CDK13: variants seen among roughly 807,000 people sequenced by gnomAD.
CDK13 encodes the protein cyclin-dependent kinase 13.
A neutral mutation model predicts 137.6 loss-of-function variants in CDK13; 40 were observed. That is an observed-to-expected ratio of 0.29 (90% CI 0.23 to 0.38). The LOEUF is 0.38. Among genes scored for constraint, CDK13 ranks in the 10% least tolerant of loss-of-function variants. The pLI is 1.00. For missense variants in CDK13, 1,704 were observed against 1,951.8 expected, an observed-to-expected ratio of 0.87 and a Z score of 2.39; for synonymous variants, 869 against 760.1, an observed-to-expected ratio of 1.14 and a Z score of -2.36.
At chr7:39,997,689 C>T (rs774275061) in intron 3 of CDK13, 25 bp downstream of exon 3, 6 of 1,576,024 alleles carry the variant, frequency 3.8e-6, no homozygotes, top group Non-Finnish European at 1.7e-6. Flanking sequence ...TCTACCTGCT[C>T]TTAAATTGAC....
chr7:40,084,174 G>A (rs894302766), intron 11 of CDK13, among the ~76,000 whole-genome samples: 11 of 151,754 alleles, frequency 7.2e-5, no homozygotes, highest in East Asian at 3.9e-4. Context: ...GTGAAACCCC[G>A]TCTCTAGTAA....
chr7:40,001,768 A>G (rs1455211704), intron 4 of CDK13, 93 bp from the exon 5 acceptor site: 12 of 822,820 alleles, frequency 1.5e-5, no homozygotes, highest in Middle Eastern at 3.6e-4. Flanking sequence ...TTGAGAAATA[A>G]GAACAGAATT....
chr7:40,038,785 T>A (rs1312877618), intron 5 of CDK13, among the ~76,000 whole-genome samples: 1 of 152,070 alleles, frequency 6.6e-6, no homozygotes, highest in East Asian at 1.9e-4. Context: ...AGCCTCTGCC[T>A]CCTGGGTTCA....
intron 4 of CDK13, 97 bp downstream of exon 4, chr7:39,999,597 T>C: frequency 8.3e-7 from 1 of 1,197,978 alleles, no homozygotes; most frequent in East Asian, 2.4e-5. Flanking sequence ...TCCAAAAAAT[T>C]AAATTCAATT....
intron 11 of CDK13, among the ~76,000 whole-genome samples, chr7:40,087,243 A>G (rs1786807960): frequency 6.6e-6 from 1 of 152,124 alleles, no homozygotes; most frequent in Non-Finnish European, 1.5e-5. Context: ...ACCTGGGCTC[A>G]AGCTATTCTC....
chr7:40,084,000 G>C (rs1786730883), intron 11 of CDK13, among the ~76,000 whole-genome samples: 1 of 152,124 alleles, frequency 6.6e-6, no homozygotes, highest in Admixed American at 6.6e-5. Context: ...AAACTCTTTT[G>C]ATCAATTTTT....
chr7:40,003,090 G>T (rs1027606367), intron 5 of CDK13, among the ~76,000 whole-genome samples: 1 of 147,348 alleles, frequency 6.8e-6, no homozygotes, highest in Non-Finnish European at 1.5e-5. Context: ...AAAACGAAAA[G>T]AAAAAGATTA....
chr7:40,037,884 C>A (rs1031652109), intron 5 of CDK13, among the ~76,000 whole-genome samples: 2 of 152,076 alleles, frequency 1.3e-5, no homozygotes, highest in African/African-American at 2.4e-5. Flanking sequence ...TTAAAATATA[C>A]CCCCCAGCTG....
chr7:40,078,875 T>C, intron 11 of CDK13, 24 bp downstream of exon 11: 1 of 878,980 alleles, frequency 1.1e-6, no homozygotes, highest in South Asian at 3.7e-5. Context: ...TATCCTATTA[T>C]TATTATATAT....
intron 5 of CDK13, among the ~76,000 whole-genome samples, chr7:40,019,309 AATTTTC>A (rs1562731904): frequency 3.3e-5 from 5 of 152,334 alleles, no homozygotes; most frequent in Admixed American, 2.6e-4. Flanking sequence ...TGTAAAAGAA[AATTTTC>A]TGTTAAAATG....
Position 40,011,422 on chromosome 7 carries a change from A to G in CDK13, c.2353+9391A>G, listed in dbSNP as rs141076546. Among the ~76,000 whole-genome samples the G allele has an allele frequency of 4.6e-5, 7 of 152,342 alleles. No individual in the cohort carries two copies. In the East Asian group the frequency reaches 1.3e-3, roughly 29 times the overall value. ...GCTAGAGTGCTCAAGATTGTGTGGT[A>G]CTGGCATTATGATAAACGTATAGAT... On this transcript the variant is annotated intron_variant, in intron 5 of 13. Coordinates refer to ENST00000181839, the MANE Select transcript of CDK13 (RefSeq NM_003718.5).
At chr7:40,008,301 A>T (rs943582569) in intron 5 of CDK13, among the ~76,000 whole-genome samples, 1 of 152,214 alleles carries the variant, frequency 6.6e-6, no homozygotes, top group African/African-American at 2.4e-5. Context: ...CTCTGTAGCT[A>T]CGTGTAGCTA....
At chr7:40,062,988 G>A (rs1786188635) in intron 8 of CDK13, 35 bp from the exon 9 acceptor site, 1 of 1,604,496 alleles carries the variant, frequency 6.2e-7, no homozygotes, top group African/African-American at 1.3e-5. Flanking sequence ...AATTAAAATA[G>A]ATCATTTGGT....
intron 9 of CDK13, among the ~76,000 whole-genome samples, chr7:40,074,020 G>C (rs1464094502): frequency 6.6e-6 from 1 of 150,670 alleles, no homozygotes; most frequent in East Asian, 2.0e-4. Flanking sequence ...CTCTGCCTCA[G>C]CCTCCCAAGT....
chr7:40,011,624 ATAAT>A (rs1340920024), intron 5 of CDK13, among the ~76,000 whole-genome samples: 1 of 152,222 alleles, frequency 6.6e-6, no homozygotes, highest in African/African-American at 2.4e-5. Flanking sequence ...ACCTCATACA[ATAAT>A]TAACTTAAAA....
chr7:40,018,002 A>G (rs188990167), intron 5 of CDK13, among the ~76,000 whole-genome samples: 6 of 151,752 alleles, frequency 4.0e-5, no homozygotes, highest in African/African-American at 1.5e-4. Context: ...CCACCATATT[A>G]TATCGCTTTA....
chr7:40,075,852 C>T (rs1562762000), intron 9 of CDK13, among the ~76,000 whole-genome samples: 1 of 152,094 alleles, frequency 6.6e-6, no homozygotes, highest in South Asian at 2.1e-4. Context: ...ACAGACAAAC[C>T]TACCGCAGTA....
In CDK13 at chr7:40,094,437, T is replaced by C. The variant is rs767640676; in HGVS notation, c.3996T>C (p.Thr1332=). The change falls in exon 14 of 14, where the codon ACT becomes ACC. Residue 1332 remains threonine (T), a synonymous_variant. Transcript: ENST00000181839. The part of the protein sequence containing the change: ...DYQAGDTYVS[T]SDYKDNFGSS... Reference sequence around the variant, plus strand: ...AAGCAGGAGACACTTACGTGTCCACTTCAGACTACAAGGACAACTTTGGAT... The same window carrying C: ...AAGCAGGAGACACTTACGTGTCCACCTCAGACTACAAGGACAACTTTGGAT... The C allele has an allele frequency of 8.7e-6, 14 of 1,613,942 alleles. No individual in the cohort carries two copies. The African/African-American group carries it at 1.2e-4, about 14-fold the overall frequency.
chr7:40,013,468 G>A (rs1318517294), intron 5 of CDK13, among the ~76,000 whole-genome samples: 1 of 152,150 alleles, frequency 6.6e-6, no homozygotes, highest in Non-Finnish European at 1.5e-5. Flanking sequence ...TACTATTTGG[G>A]TAAACCAAGA....
Sources: gnomAD v4.1 joint callset for allele counts (sites outside exome capture counted in the v4.1 genomes callset) on GRCh38, gnomAD v4.1.1 for gene constraint, MANE v1.5 for transcripts, NCBI Gene and HGNC (gene_info 2026-07-23, HGNC 2026-07-21) for gene names.